Variants in MYO5A observed in about 807,000 individuals in gnomAD.
MYO5A encodes the protein unconventional myosin-Va.
A neutral mutation model predicts 249.7 loss-of-function variants in MYO5A; 98 were observed. That is an observed-to-expected ratio of 0.39 (90% confidence interval 0.33 to 0.46). The LOEUF (loss-of-function observed/expected upper bound fraction) is 0.46, where lower values mean the gene tolerates loss of function less well. MYO5A is among the 20% of genes least tolerant of loss of function. The probability of loss-of-function intolerance (pLI) is 0.98; values close to 1 mark genes in which losing one functional copy is unlikely to be tolerated. For missense variants in MYO5A, 1,696 were observed against 2,308.8 expected, an observed-to-expected ratio of 0.73 and a Z score of 5.44; for synonymous variants, 778 against 810.6, an observed-to-expected ratio of 0.96 and a Z score of 0.68.
chr15:52,389,637 T>C (rs2042126921), intron 12 of MYO5A, among the ~76,000 whole-genome samples: 1 of 152,076 alleles, frequency 6.6e-6, no homozygotes, highest in Non-Finnish European at 1.5e-5. Context: ...ATAAATTTGT[T>C]GTTGTTGTTG....
In MYO5A at chr15:52,352,338, T is replaced by C. The variant is rs562161565; in HGVS notation, c.3622-857A>G. 3.9e-5 allele frequency among the ~76,000 whole-genome samples: 6 copies of C among 152,348 alleles called. No individual in the cohort carries two copies. In the East Asian group the frequency reaches 9.6e-4, roughly 24 times the overall value. ...GGAAACACAGATGCAGACAGGCACT[T>C]AAAAGCACCATGGTGCCTCATTTAG... On this transcript the variant is annotated intron_variant, in intron 27 of 41. Coordinates refer to ENST00000399233, the MANE Select transcript of MYO5A (RefSeq NM_001382347.1).
At chr15:52,373,758 T>A (rs1368375518) in intron 20 of MYO5A, among the ~76,000 whole-genome samples, 2 of 152,124 alleles carry the variant, frequency 1.3e-5, no homozygotes, top group African/African-American at 4.8e-5. Context: ...GGTAACTAGT[T>A]TGGTGTATCT....
intron 1 of MYO5A, among the ~76,000 whole-genome samples, chr15:52,439,998 A>C (rs2141333822): frequency 6.6e-6 from 1 of 152,404 alleles, no homozygotes; most frequent in South Asian, 2.1e-4. Context: ...GCACAGATTT[A>C]ACCTGCATAA....
chr15:52,389,089 A>C, intron 13 of MYO5A, 149 bp downstream of exon 13: 1 of 728,994 alleles, frequency 1.4e-6, no homozygotes, highest in Non-Finnish European at 2.2e-6. Context: ...AAGGAAGAGA[A>C]AACCAACATG....
At chr15:52,415,052 A>G (rs1017488575) in intron 5 of MYO5A, among the ~76,000 whole-genome samples, 3 of 152,174 alleles carry the variant, frequency 2.0e-5, no homozygotes, top group African/African-American at 7.2e-5. Context: ...AGCCCTACAG[A>G]TAAGAGGTCA....
chr15:52,519,239 A>C (rs1275597115), intron 1 of MYO5A, among the ~76,000 whole-genome samples: 1 of 152,230 alleles, frequency 6.6e-6, no homozygotes, highest in Non-Finnish European at 1.5e-5. Flanking sequence ...TGAAGAAAAT[A>C]GGGGAAATAA....
intron 14 of MYO5A, among the ~76,000 whole-genome samples, chr15:52,387,059 A>T (rs2042002129): frequency 6.6e-6 from 1 of 152,242 alleles, no homozygotes; most frequent in African/African-American, 2.4e-5. Context: ...GAAAATTTTT[A>T]ATTTTTAGCT....
chr15:52,353,853 A>T lies in MYO5A; in HGVS notation c.3567+18T>A, dbSNP rs560361122. ...ATAAAGCCCAGCTTCAGCTCTGCGG[A>T]TGGGCTGTGCTGCGCACCTTGGCCT... On this transcript the variant is annotated intron_variant, in intron 26 of 41. Coordinates refer to ENST00000399233, the MANE Select transcript of MYO5A (RefSeq NM_001382347.1). 1 of 1,612,970 alleles carries T rather than the reference A, an allele frequency of 6.2e-7. No individual in the cohort carries two copies. Among genetic ancestry groups the T allele is most frequent in the African/African-American group, 1.3e-5 (1 of 74,932 alleles).
chr15:52,483,858 T>C (rs536920894), intron 1 of MYO5A, among the ~76,000 whole-genome samples: 1 of 152,354 alleles, frequency 6.6e-6, no homozygotes, highest in South Asian at 2.1e-4. Context: ...CAGTCTGCTC[T>C]ATACAGCTAA....
intron 31 of MYO5A, among the ~76,000 whole-genome samples, chr15:52,342,368 A>G (rs1262730032): frequency 6.6e-6 from 1 of 152,212 alleles, no homozygotes; most frequent in Non-Finnish European, 1.5e-5. Flanking sequence ...CAAAAAAAAG[A>G]AAAGAAAAAT....
chr15:52,332,511 A>C (rs533787595), intron 34 of MYO5A, among the ~76,000 whole-genome samples: 1 of 152,204 alleles, frequency 6.6e-6, no homozygotes, highest in Non-Finnish European at 1.5e-5. Flanking sequence ...TTGGTACTGT[A>C]TAAAAATGTC....
chr15:52,427,469 T>C lies in MYO5A; in HGVS notation c.310+929A>G, dbSNP rs142341633. Reference sequence around the variant, plus strand: ...CAGTAAGGAGGGGTTTCTGACTTGATAGGGTGGCTAGACAAGACTTCACTG... The same window carrying C: ...CAGTAAGGAGGGGTTTCTGACTTGACAGGGTGGCTAGACAAGACTTCACTG... On this transcript the variant is annotated intron_variant, in intron 3 of 41. Transcript: ENST00000399233. Among the ~76,000 whole-genome samples the C allele has an allele frequency of 5.3e-3, 805 of 152,026 alleles. 3 individuals carry two copies. Among genetic ancestry groups the C allele is most frequent in the Non-Finnish European group, 8.0e-3 (542 of 67,990 alleles).
At chr15:52,444,197 C>T (rs1484152591) in intron 1 of MYO5A, among the ~76,000 whole-genome samples, 1 of 152,068 alleles carries the variant, frequency 6.6e-6, no homozygotes, top group Non-Finnish European at 1.5e-5. Context: ...ATTTAACATT[C>T]GTGTAAAGAT....
Position 52,360,043 on chromosome 15 carries a change from G to C in MYO5A, c.3348C>G (p.Thr1116=), listed in dbSNP as rs2040439739. 1 of 1,613,660 alleles carries C rather than the reference G, an allele frequency of 6.2e-7. No individual in the cohort carries two copies. Among genetic ancestry groups the C allele is most frequent in the East Asian group, 2.2e-5 (1 of 44,868 alleles). ...TATATTCAGACTCGTTGCTGCTGTGGGTGGAGTCTGTTCTCTTGTGTCCAG... is the reference window on the plus strand; with the variant it reads ...TATATTCAGACTCGTTGCTGCTGTGCGTGGAGTCTGTTCTCTTGTGTCCAG... The part of the protein sequence containing the change: ...PKPGHKRTDS[T]HSSNESEYIF... Residue 1116 remains threonine, a synonymous_variant, in exon 25 of 42, where the codon ACC becomes ACG. Transcript: ENST00000399233.
intron 4 of MYO5A, among the ~76,000 whole-genome samples, chr15:52,418,019 A>G (rs2043595123): frequency 6.6e-6 from 1 of 152,218 alleles, no homozygotes; most frequent in African/African-American, 2.4e-5. Context: ...TAGAGATGAC[A>G]GCTGAACAAG....
At chr15:52,527,697 C>T (rs1458541586) in intron 1 of MYO5A, among the ~76,000 whole-genome samples, 1 of 152,172 alleles carries the variant, frequency 6.6e-6, no homozygotes, top group Admixed American at 6.5e-5. Flanking sequence ...TTAGTAAGTC[C>T]CGGCTTGAAT....
intron 25 of MYO5A, 89 bp downstream of exon 25, chr15:52,359,879 C>A: frequency 5.7e-6 from 5 of 872,392 alleles, no homozygotes; most frequent in Non-Finnish European, 7.5e-6. Context: ...TGTTTATGGC[C>A]AATTGGAGTC....
At chr15:52,434,720 G>C (rs189255989) in intron 1 of MYO5A, among the ~76,000 whole-genome samples, 39 of 152,272 alleles carry the variant, frequency 2.6e-4, no homozygotes, top group African/African-American at 9.1e-4. Context: ...TTATGTGCTT[G>C]GACTCTCTGG....
intron 1 of MYO5A, among the ~76,000 whole-genome samples, chr15:52,507,842 T>G (rs2077307344): frequency 6.8e-6 from 1 of 146,280 alleles, no homozygotes; most frequent in African/African-American, 2.5e-5. Context: ...TAGAGATCTA[T>G]CTAGGGCTAC....
Sources: allele counts gnomAD v4.1 joint callset (sites outside exome capture counted in the v4.1 genomes callset), GRCh38; gene constraint gnomAD v4.1.1; transcripts MANE v1.5; gene names NCBI Gene and HGNC (gene_info 2026-07-23, HGNC 2026-07-21).